Variants in TP63 observed in about 807,000 individuals in gnomAD.
The protein encoded by TP63 is tumor protein 63.
TP63 carries 17 observed loss-of-function variants against 82.8 expected under a neutral mutation model. The ratio of observed to expected loss-of-function variants is 0.21; its 90% confidence interval spans 0.14 to 0.31. The LOEUF (loss-of-function observed/expected upper bound fraction) is 0.31. Among genes scored for constraint, TP63 ranks in the 10% least tolerant of loss-of-function variants. The pLI is 1.00. For missense variants in TP63, 648 were observed against 895.3 expected, an observed-to-expected ratio of 0.72 and a Z score of 3.52; for synonymous variants, 330 against 321.7, an observed-to-expected ratio of 1.03 and a Z score of -0.28.
Position 189,804,729 on chromosome 3 carries a change from G to A in TP63, c.325-3543G>A, listed in dbSNP as rs116125417. On this transcript the variant is annotated intron_variant, in intron 3 of 13. Transcript: ENST00000264731. ...ATGTAAATGGATTTCCAGTCATTCAGTTCTGACTTTGGTGGGTTTGTTGTT... is the reference window on the plus strand; with the variant it reads ...ATGTAAATGGATTTCCAGTCATTCAATTCTGACTTTGGTGGGTTTGTTGTT... Among the ~76,000 whole-genome samples the A allele has an allele frequency of 2.0e-5, 3 of 152,278 alleles. No homozygotes were observed. In the East Asian group the frequency reaches 5.8e-4, roughly 29 times the overall value.
chr3:189,769,185 C>T (rs182916319), intron 3 of TP63, among the ~76,000 whole-genome samples: 47 of 152,206 alleles, frequency 3.1e-4, no homozygotes, highest in African/African-American at 1.1e-3. Context: ...CATTCTCTGA[C>T]TCTGTTTATG....
At chr3:189,863,781 G>A (rs9820283) in intron 4 of TP63, among the ~76,000 whole-genome samples, 9 of 151,974 alleles carry the variant, frequency 5.9e-5, no homozygotes, top group Non-Finnish European at 1.2e-4. Context: ...TCCTGTGAGT[G>A]TCTCTAAAGT....
intron 4 of TP63, among the ~76,000 whole-genome samples, chr3:189,857,539 A>T (rs1277653072): frequency 6.6e-6 from 1 of 152,206 alleles, no homozygotes; most frequent in East Asian, 1.9e-4. Flanking sequence ...GCAGGAAAAA[A>T]GCCAAGCTAC....
intron 1 of TP63, among the ~76,000 whole-genome samples, chr3:189,684,146 A>G (rs1161983630): frequency 6.6e-6 from 1 of 152,224 alleles, no homozygotes; most frequent in African/African-American, 2.4e-5. Context: ...CTCAAAAGAA[A>G]TACTTTCCTT....
At chr3:189,863,246 T>G (rs1423258235) in intron 4 of TP63, among the ~76,000 whole-genome samples, 1 of 152,192 alleles carries the variant, frequency 6.6e-6, no homozygotes. Context: ...TTCCAGTGCC[T>G]GGGTGGTTTG....
chr3:189,817,064 G>A (rs545677141), intron 4 of TP63, among the ~76,000 whole-genome samples: 15 of 151,818 alleles, frequency 9.9e-5, no homozygotes, highest in Middle Eastern at 3.6e-3. Context: ...CCTGAAAACA[G>A]AGCAGGGACC....
At chr3:189,653,431 A>T (rs112132721) in intron 1 of TP63, among the ~76,000 whole-genome samples, 94 of 152,326 alleles carry the variant, frequency 6.2e-4, no homozygotes, top group African/African-American at 2.1e-3. Flanking sequence ...TGTCAATCAG[A>T]TCCAGTGTTT....
chr3:189,703,427 A>AATAGATAGATAGATAG (rs58784734), intron 1 of TP63, among the ~76,000 whole-genome samples: 40,993 of 142,938 alleles, frequency 0.29, 6,155 homozygotes, highest in African/African-American at 0.29. Context: ...CCCTGTCTAA[A>AATAGATAGATAGATAG]ATAGATAGAT....
At chr3:189,684,221 T>C (rs745437561) in intron 1 of TP63, among the ~76,000 whole-genome samples, 42 of 152,226 alleles carry the variant, frequency 2.8e-4, no homozygotes, top group Non-Finnish European at 5.7e-4. Flanking sequence ...GTAAGACACT[T>C]TTCTAGGTAC....
At chr3:189,824,071 GA>G (rs1269984157) in intron 4 of TP63, among the ~76,000 whole-genome samples, 4 of 152,066 alleles carry the variant, frequency 2.6e-5, no homozygotes, top group African/African-American at 9.7e-5. Flanking sequence ...CCTTTCAAAG[GA>G]AACCTGCCTT....
chr3:189,665,582 C>T (rs1714311527), intron 1 of TP63, among the ~76,000 whole-genome samples: 1 of 152,042 alleles, frequency 6.6e-6, no homozygotes. Flanking sequence ...CAGAGGATGG[C>T]TGAGCAGGAA....
intron 4 of TP63, among the ~76,000 whole-genome samples, chr3:189,825,844 G>A (rs1449402773): frequency 6.6e-6 from 1 of 152,078 alleles, no homozygotes; most frequent in Non-Finnish European, 1.5e-5. Flanking sequence ...ACATCATTTG[G>A]AAAGAAAGTT....
intron 3 of TP63, among the ~76,000 whole-genome samples, chr3:189,761,874 A>G (rs1185976586): frequency 1.3e-5 from 2 of 152,218 alleles, no homozygotes; most frequent in African/African-American, 2.4e-5. Flanking sequence ...TGTGGATGGC[A>G]GCAGGCAGAG....
At chr3:189,755,241 C>G (rs1722104449) in intron 3 of TP63, among the ~76,000 whole-genome samples, 1 of 152,024 alleles carries the variant, frequency 6.6e-6, no homozygotes, top group East Asian at 1.9e-4. Context: ...CTCTCTGTAC[C>G]ATTTTTCCTC....
intron 4 of TP63, among the ~76,000 whole-genome samples, chr3:189,834,899 T>TTTC (rs1712899365): frequency 6.6e-6 from 1 of 151,826 alleles, no homozygotes; most frequent in Non-Finnish European, 1.5e-5. Context: ...TTTTTTTTTT[T>TTTC]TTGTCTTTGC....
At chr3:189,750,949 C>G (rs916822597) in intron 3 of TP63, among the ~76,000 whole-genome samples, 21 of 152,094 alleles carry the variant, frequency 1.4e-4, no homozygotes, top group African/African-American at 5.1e-4. Context: ...AGTGTTTCTC[C>G]TAATGCTATC....
the TP63 span, among the ~76,000 whole-genome samples, chr3:189,611,685 G>A: frequency 6.6e-6 from 1 of 152,160 alleles, no homozygotes; most frequent in Non-Finnish European, 1.5e-5. Flanking sequence ...TTGTTTGATA[G>A]GAATAGCATT....
chr3:189,733,499 T>A (rs1720323425), intron 1 of TP63, among the ~76,000 whole-genome samples: 1 of 152,240 alleles, frequency 6.6e-6, no homozygotes, highest in Admixed American at 6.5e-5. Flanking sequence ...TCACCTGGCT[T>A]TCGAGCTATC....
intron 1 of TP63, among the ~76,000 whole-genome samples, chr3:189,633,833 G>A (rs1177805310): frequency 6.6e-6 from 1 of 151,992 alleles, no homozygotes; most frequent in Non-Finnish European, 1.5e-5. Flanking sequence ...TCTGCTCTGC[G>A]GAAGACATTG....
Sources: allele counts gnomAD v4.1 joint callset (sites outside exome capture counted in the v4.1 genomes callset), GRCh38; gene constraint gnomAD v4.1.1; transcripts MANE v1.5; gene names NCBI Gene and HGNC (gene_info 2026-07-23, HGNC 2026-07-21).